Variants in MACF1 observed in about 807,000 individuals in gnomAD.
The protein encoded by MACF1 is microtubule-actin cross-linking factor 1.
In MACF1, 193 loss-of-function variants were observed where a neutral mutation model predicts 854.8. The observed-to-expected ratio is 0.23, with a 90% CI of 0.20 to 0.25. The LOEUF (loss-of-function observed/expected upper bound fraction) is 0.25, where lower values mean the gene tolerates loss of function less well. MACF1 is among the 10% of genes least tolerant of loss of function. MACF1 has a pLI of 1.00. For synonymous variants in MACF1, 3,185 were observed against 3,226.7 expected (o/e 0.99, Z 0.44); for missense variants, 7,722 against 8,929.1 (o/e 0.86, Z 5.45).
chr1:39,472,447 A>G (rs899523085), intron 97 of MACF1, among the ~76,000 whole-genome samples: 3 of 152,138 alleles, frequency 2.0e-5, no homozygotes, highest in Non-Finnish European at 2.9e-5. Flanking sequence ...AGCCTTTTCT[A>G]TTATCAAAGT....
intron 2 of MACF1, among the ~76,000 whole-genome samples, chr1:39,180,893 T>C (rs1333535672): frequency 6.6e-6 from 1 of 152,070 alleles, no homozygotes; most frequent in African/African-American, 2.4e-5. Flanking sequence ...CAAAAGACAC[T>C]CTGTTACTTT....
intron 84 of MACF1, 148 bp downstream of exon 84, chr1:39,448,911 T>C (rs889341075): frequency 1.0e-5 from 5 of 494,116 alleles, no homozygotes; most frequent in Admixed American, 3.8e-5. Flanking sequence ...AAGACTGTTA[T>C]AATTTAAATA....
At chr1:39,128,412 C>A (rs1642914726) in intron 2 of MACF1, among the ~76,000 whole-genome samples, 1 of 152,092 alleles carries the variant, frequency 6.6e-6, no homozygotes, top group African/African-American at 2.4e-5. Flanking sequence ...CTTAAGAGTT[C>A]TGCCATAGGG....
intron 1 of MACF1, among the ~76,000 whole-genome samples, chr1:39,228,230 G>A (rs1416483789): frequency 6.6e-6 from 1 of 152,114 alleles, no homozygotes; most frequent in African/African-American, 2.4e-5. Context: ...AGAATCGCTG[G>A]AACCCAGGGG....
At chr1:39,378,384 A>G in intron 52 of MACF1, 77 bp from the exon 53 acceptor site, 1 of 1,034,740 alleles carries the variant, frequency 9.7e-7, no homozygotes, top group South Asian at 1.3e-5. Context: ...AGTGAGGGCC[A>G]AAGGACAAAT....
intron 2 of MACF1, among the ~76,000 whole-genome samples, chr1:39,233,794 T>TAA (rs1328542259): frequency 2.4e-3 from 222 of 92,082 alleles, no homozygotes; most frequent in African/African-American, 6.7e-3. Flanking sequence ...TTTTTTTTTT[T>TAA]TTTATTTATT....
intron 58 of MACF1, among the ~76,000 whole-genome samples, chr1:39,406,753 A>AAAAAAAAAAAC (rs1642724906): frequency 1.3e-5 from 2 of 151,142 alleles, no homozygotes; most frequent in African/African-American, 4.9e-5. Context: ...AAAAAAAAAA[A>AAAAAAAAAAAC]AAAAACATTC....
intron 1 of MACF1, among the ~76,000 whole-genome samples, chr1:39,229,219 A>G (rs891114781): frequency 2.0e-5 from 3 of 152,224 alleles, no homozygotes; most frequent in Non-Finnish European, 4.4e-5. Flanking sequence ...TCTAAGGTCC[A>G]TACCTTAGTG....
At position 39,257,800 on chromosome 1, in the gene MACF1, A is replaced by G. The variant is rs1200717664; in HGVS notation, c.436-136A>G. 4.6e-6 allele frequency: 3 copies of G among 645,486 alleles called. No homozygotes were observed. In the African/African-American group the frequency reaches 5.5e-5, roughly 12 times the overall value. 40.0% of individuals were successfully genotyped at this position (645,486 alleles called of 1,614,324 possible). A position where few individuals can be genotyped will look rare whatever the true frequency, so the allele number is the denominator to read the frequency against. ...TGTGGTGGTAGTTGCATGAATCTAT[A>G]CATGTGTTAAAACTCATAGAACTGT... On this transcript the variant is annotated intron_variant, in intron 5 of 100. Transcript: ENST00000564288.
intron 6 of MACF1, among the ~76,000 whole-genome samples, chr1:39,272,839 T>A (rs1352053978): frequency 6.6e-6 from 1 of 152,218 alleles, no homozygotes; most frequent in Non-Finnish European, 1.5e-5. Flanking sequence ...AAGGGTCAGC[T>A]GACAAATATG....
intron 1 of MACF1, among the ~76,000 whole-genome samples, chr1:39,211,078 T>C (rs1644509536): frequency 6.6e-6 from 1 of 152,040 alleles, no homozygotes; most frequent in Non-Finnish European, 1.5e-5. Context: ...GTGATTCTCC[T>C]GCCTCAGCCT....
At chr1:39,121,324 T>G (rs998718163) in intron 2 of MACF1, among the ~76,000 whole-genome samples, 1 of 152,218 alleles carries the variant, frequency 6.6e-6, no homozygotes, top group African/African-American at 2.4e-5. Flanking sequence ...TGTGATTTGG[T>G]ACTAATGTGT....
chr1:39,202,303 C>T (rs1222092180), upstream of MACF1, among the ~76,000 whole-genome samples: 2 of 148,900 alleles, frequency 1.3e-5, no homozygotes, highest in East Asian at 2.1e-4. Flanking sequence ...CCTTATTAGA[C>T]GAGCCTTCTC....
chr1:39,346,135 G>A (rs1234721581), intron 40 of MACF1, among the ~76,000 whole-genome samples: 2 of 151,718 alleles, frequency 1.3e-5, no homozygotes, highest in Non-Finnish European at 2.9e-5. Context: ...AGGCCAAGGC[G>A]GGCAGATCAT....
intron 27 of MACF1, 55 bp downstream of exon 27, chr1:39,315,746 A>G: frequency 6.5e-7 from 1 of 1,542,718 alleles, no homozygotes. Context: ...GGGATAAGAA[A>G]GAGAAAGGCT....
At chr1:39,163,585 G>C (rs1234471571) in intron 2 of MACF1, among the ~76,000 whole-genome samples, 2 of 152,166 alleles carry the variant, frequency 1.3e-5, no homozygotes, top group African/African-American at 4.8e-5. Context: ...AGTGGAAAAA[G>C]TGACTACTGA....
At chr1:39,234,427 C>T (rs1644827296) in intron 2 of MACF1, among the ~76,000 whole-genome samples, 2 of 149,460 alleles carry the variant, frequency 1.3e-5, no homozygotes, top group Non-Finnish European at 3.0e-5. Flanking sequence ...GGCTGACCCC[C>T]CCACCTCCCT....
At chr1:39,159,996 T>C (rs1643764420) in intron 2 of MACF1, among the ~76,000 whole-genome samples, 1 of 152,204 alleles carries the variant, frequency 6.6e-6, no homozygotes, top group East Asian at 1.9e-4. Flanking sequence ...CTAAGAAATA[T>C]ATATGGAGAG....
At chr1:39,237,686 G>A (rs1644875022) in intron 2 of MACF1, among the ~76,000 whole-genome samples, 1 of 150,692 alleles carries the variant, frequency 6.6e-6, no homozygotes, top group African/African-American at 2.4e-5. Flanking sequence ...AAAATTACTT[G>A]TTCTTCCTGC....
Sources: allele counts gnomAD v4.1 joint callset (sites outside exome capture counted in the v4.1 genomes callset), GRCh38; gene constraint gnomAD v4.1.1; transcripts MANE v1.5; gene names NCBI Gene and HGNC (gene_info 2026-07-23, HGNC 2026-07-21).